ZNF420: variants seen among roughly 807,000 people sequenced by gnomAD.
ZNF420 encodes zinc finger protein 420.
In ZNF420, 31 loss-of-function variants were observed where a neutral mutation model predicts 44.7. The ratio of observed to expected loss-of-function variants is 0.69; its 90% CI spans 0.52 to 0.94. The LOEUF is 0.94. Among genes scored for constraint, ZNF420 ranks in the 40% least tolerant of loss-of-function variants. ZNF420 has a pLI of 0.00. For synonymous variants in ZNF420, 245 were observed against 267.4 expected, an observed-to-expected ratio of 0.92 and a Z score of 0.82; for missense variants, 681 against 827.9, an observed-to-expected ratio of 0.82 and a Z score of 2.18.
chr19:37,011,581 C>T (rs1244491851), intron 1 of ZNF420, among the ~76,000 whole-genome samples: 2 of 152,110 alleles, frequency 1.3e-5, no homozygotes, highest in Non-Finnish European at 2.9e-5. Flanking sequence ...TTGCAGAAAC[C>T]TCTCCGCTCC....
At chr19:37,065,568 G>A (rs1044011180) in intron 1 of ZNF420, among the ~76,000 whole-genome samples, 18 of 152,238 alleles carry the variant, frequency 1.2e-4, no homozygotes, top group African/African-American at 4.3e-4. Context: ...AGCAAATGGA[G>A]ACATTGGACT....
intron 4 of ZNF420, among the ~76,000 whole-genome samples, chr19:37,126,631 A>G (rs2145345447): frequency 6.6e-6 from 1 of 152,342 alleles, no homozygotes; most frequent in African/African-American, 2.4e-5. Context: ...AATGTTGGAC[A>G]GCTATAATTT....
intron 2 of ZNF420, among the ~76,000 whole-genome samples, chr19:37,083,700 G>A (rs1243433561): frequency 6.6e-6 from 1 of 151,918 alleles, no homozygotes; most frequent in Non-Finnish European, 1.5e-5. Flanking sequence ...CAGACTTTCC[G>A]TGCTGACAGA....
In ZNF420 at chr19:37,128,333, G is replaced by A. The variant is rs757605311; in HGVS notation, c.1342G>A (p.Glu448Lys). 1 of 1,613,798 alleles carries A rather than the reference G, an allele frequency of 6.2e-7. No individual in the cohort carries two copies. The highest frequency in any genetic ancestry group is 1.3e-5 in the African/African-American group (1 of 74,956). The change falls in exon 5 of 5, where the codon GAA becomes AAA. Residue 448 changes from glutamate (E) to lysine (K), a missense_variant. Physicochemically the swap from Glu to Lys is moderately conservative, Grantham distance 56. Transcript: ENST00000337995. ...GATTCATACTGGTGAGAAACCCTAT[G>A]AATGTAAAGAATGTGGAAAAACCTT... is the stretch of plus-strand genomic sequence containing the variant. ...QRIHTGEKPY[E>K]CKECGKTFSR... is the part of the protein sequence containing the mutation.
intron 1 of ZNF420, among the ~76,000 whole-genome samples, chr19:37,044,023 G>C (rs1967502142): frequency 6.6e-6 from 1 of 152,168 alleles, no homozygotes; most frequent in Non-Finnish European, 1.5e-5. Context: ...GGTTCTTCTG[G>C]ATAGTCCCAG....
chr19:37,056,515 G>A (rs1008965997), intron 1 of ZNF420, among the ~76,000 whole-genome samples: 9 of 152,162 alleles, frequency 5.9e-5, no homozygotes, highest in Non-Finnish European at 1.0e-4. Context: ...CCTGGAAAGC[G>A]GTGTCTTCTC....
intron 4 of ZNF420, among the ~76,000 whole-genome samples, chr19:37,116,518 C>T (rs1021823386): frequency 2.6e-5 from 4 of 152,170 alleles, no homozygotes; most frequent in African/African-American, 9.7e-5. Context: ...CTACAGCTCC[C>T]AGCATGAACG....
At chr19:37,071,099 G>A (rs1968050679) in intron 1 of ZNF420, among the ~76,000 whole-genome samples, 1 of 152,166 alleles carries the variant, frequency 6.6e-6, no homozygotes, top group South Asian at 2.1e-4. Flanking sequence ...CCTTGCCCTA[G>A]AACAGCCTCT....
intron 4 of ZNF420, among the ~76,000 whole-genome samples, chr19:37,095,543 TTTTA>T (rs201113879): frequency 0.017 from 2,631 of 152,290 alleles, 42 homozygotes; most frequent in Middle Eastern, 0.054. Context: ...TTCTGGGATA[TTTTA>T]TTTATCATGA....
intron 4 of ZNF420, among the ~76,000 whole-genome samples, chr19:37,121,540 A>T (rs1340447626): frequency 6.6e-6 from 1 of 152,168 alleles, no homozygotes; most frequent in African/African-American, 2.4e-5. Context: ...AAACCTAGGC[A>T]ATACCATTCA....
chr19:37,059,915 G>C (rs1054399677), intron 1 of ZNF420, among the ~76,000 whole-genome samples: 1 of 151,888 alleles, frequency 6.6e-6, no homozygotes, highest in Admixed American at 6.6e-5. Context: ...CCCTCTGTCT[G>C]TATGTGTGTG....
intron 1 of ZNF420, among the ~76,000 whole-genome samples, chr19:37,061,687 C>A (rs1265948729): frequency 6.6e-6 from 1 of 151,926 alleles, no homozygotes; most frequent in Non-Finnish European, 1.5e-5. Context: ...TTAACTTTGC[C>A]TCTCATAAAA....
chr19:37,031,170 G>A (rs749391592), intron 1 of ZNF420, among the ~76,000 whole-genome samples: 5 of 152,142 alleles, frequency 3.3e-5, no homozygotes, highest in Admixed American at 3.3e-4. Context: ...CACCATTTCA[G>A]ACTGAGCTTA....
chr19:37,019,288 C>A (rs936846772), intron 1 of ZNF420, among the ~76,000 whole-genome samples: 2 of 152,112 alleles, frequency 1.3e-5, no homozygotes, highest in African/African-American at 2.4e-5. Flanking sequence ...ACTCACCACA[C>A]TAATTATTAG....
At chr19:37,071,534 C>T (rs1968056869) in intron 1 of ZNF420, among the ~76,000 whole-genome samples, 1 of 152,172 alleles carries the variant, frequency 6.6e-6, no homozygotes, top group African/African-American at 2.4e-5. Flanking sequence ...GGCGTGGTGG[C>T]TCACGCCTGT....
At chr19:37,047,490 G>A (rs2043183744) in intron 1 of ZNF420, among the ~76,000 whole-genome samples, 1 of 152,138 alleles carries the variant, frequency 6.6e-6, no homozygotes, top group African/African-American at 2.4e-5. Flanking sequence ...ATGGAACTTT[G>A]AGAAATACAT....
intron 2 of ZNF420, among the ~76,000 whole-genome samples, chr19:37,081,036 A>T (rs7257853): frequency 3.4e-5 from 5 of 146,410 alleles, no homozygotes; most frequent in African/African-American, 1.0e-4. Flanking sequence ...CAGCCTGGGC[A>T]ACAGAGCGAG....
At chr19:37,079,677 A>G (rs1968324405) in intron 1 of ZNF420, among the ~76,000 whole-genome samples, 1 of 152,158 alleles carries the variant, frequency 6.6e-6, no homozygotes, top group African/African-American at 2.4e-5. Flanking sequence ...TTTGCAAGTT[A>G]CAGACCTGGT....
chr19:37,098,910 C>T (rs966294075), intron 4 of ZNF420, among the ~76,000 whole-genome samples: 3 of 152,082 alleles, frequency 2.0e-5, no homozygotes, highest in African/African-American at 7.2e-5. Flanking sequence ...TTTTAGGTTC[C>T]ACATATGAGT....
Sources: gnomAD v4.1 joint callset for allele counts (sites outside exome capture counted in the v4.1 genomes callset) on GRCh38, gnomAD v4.1.1 for gene constraint, MANE v1.5 for transcripts, NCBI Gene and HGNC (gene_info 2026-07-23, HGNC 2026-07-21) for gene names.